The following NOL4L variants were observed in gnomAD, a reference collection of about 807,000 sequenced individuals.
The protein encoded by NOL4L is nucleolar protein 4-like.
Under a neutral mutation model 64.5 loss-of-function variants are expected in NOL4L, and 7 were observed. That is an observed-to-expected ratio of 0.11 (90% CI 0.06 to 0.20). The LOEUF (loss-of-function observed/expected upper bound fraction) is 0.20. Among genes scored for constraint, NOL4L ranks in the 10% least tolerant of loss-of-function variants. The pLI, the probability that NOL4L is intolerant of heterozygous loss-of-function variation, is 1.00. For synonymous variants in NOL4L, 413 were observed against 401.0 expected (o/e 1.03, Z -0.36); for missense variants, 680 against 967.1 (o/e 0.70, Z 3.94).
At chr20:32,452,801 G>GCTC in intron 9 of NOL4L, 83 bp downstream of exon 9, 1 of 1,573,788 alleles carries the variant, frequency 6.4e-7, no homozygotes, top group South Asian at 1.1e-5. Context: ...ACCCATCACA[G>GCTC]CTCCCTCAGT....
chr20:32,581,375 A>G (rs1399110304), intron 1 of NOL4L, among the ~76,000 whole-genome samples: 2 of 152,038 alleles, frequency 1.3e-5, no homozygotes, highest in Non-Finnish European at 2.9e-5. Context: ...TTTGTCACAC[A>G]CACCCAGAAA....
At chr20:32,555,352 C>T (rs1044654315) in intron 1 of NOL4L, among the ~76,000 whole-genome samples, 1 of 152,058 alleles carries the variant, frequency 6.6e-6, no homozygotes, top group African/African-American at 2.4e-5. Flanking sequence ...TGCTCTATTG[C>T]ACAGGCTGGA....
intron 4 of NOL4L, among the ~76,000 whole-genome samples, chr20:32,494,302 CACAA>C (rs774367011): frequency 2.9e-5 from 4 of 136,644 alleles, no homozygotes; most frequent in African/African-American, 8.5e-5. Context: ...CACACACACA[CACAA>C]ACAAATTACT....
chr20:32,501,963 GCACA>G (rs2016939376), intron 4 of NOL4L, among the ~76,000 whole-genome samples: 1 of 152,126 alleles, frequency 6.6e-6, no homozygotes, highest in South Asian at 2.1e-4. Flanking sequence ...TGAGTAATAT[GCACA>G]CAGTCATAAT....
intron 4 of NOL4L, among the ~76,000 whole-genome samples, chr20:32,501,709 TAAAAG>T (rs781327571): frequency 3.6e-4 from 55 of 151,966 alleles, no homozygotes; most frequent in South Asian, 2.1e-4. Context: ...ATAAAAATAC[TAAAAG>T]AAAACATGGG....
In NOL4L at chr20:32,456,329, C is replaced by T; in HGVS notation, c.908G>A (p.Ser303Asn). ...GGGGAAGGCAGGGTCGCCCTGCGTG[C>T]TGCTCGACGTGGATGGGTTCAGGGT... is the stretch of plus-strand genomic sequence containing the variant. ...SSTLNPSTSS[S>N]TQGDPAFPEM... Residue 303 changes from serine to asparagine, a missense_variant, in exon 6 of 11, where the codon AGC (serine) becomes AAC (asparagine). Ser to Asn is a conservative substitution (Grantham distance 46). Coordinates refer to ENST00000621426, the MANE Select transcript of NOL4L (RefSeq NM_001256798.2). The T allele has an allele frequency of 6.4e-7, 1 of 1,553,576 alleles. No individual in the cohort carries two copies.
intron 4 of NOL4L, among the ~76,000 whole-genome samples, chr20:32,487,361 G>T (rs1472878962): frequency 1.3e-5 from 2 of 151,790 alleles, no homozygotes; most frequent in Non-Finnish European, 2.9e-5. Flanking sequence ...GACAAGGGGT[G>T]GGGGAGAGGC....
At chr20:32,483,938 C>T (rs895601865) in intron 4 of NOL4L, among the ~76,000 whole-genome samples, 1 of 151,020 alleles carries the variant, frequency 6.6e-6, no homozygotes, top group African/African-American at 2.4e-5. Context: ...AAGGGGGAAG[C>T]GCTTCGAGGA....
chr20:32,555,466 A>AT (rs1030502509), intron 1 of NOL4L, among the ~76,000 whole-genome samples: 23 of 147,786 alleles, frequency 1.6e-4, no homozygotes, highest in East Asian at 1.0e-3. Context: ...TGCCTGGCTA[A>AT]TTTTTTTTTT....
Position 32,463,017 on chromosome 20 carries a change from C to T in NOL4L, c.842-6622G>A, listed in dbSNP as rs2014232627. Among the ~76,000 whole-genome samples the T allele has an allele frequency of 6.6e-6, 1 of 151,724 alleles. No individual in the cohort carries two copies. Among genetic ancestry groups the T allele is most frequent in the Admixed American group, 6.6e-5 (1 of 15,226 alleles). On this transcript the variant is annotated intron_variant, in intron 5 of 10. Transcript: ENST00000621426. The surrounding 1 kb of genome is among the most constrained non-coding windows in gnomAD (Gnocchi z 5.8). ...GGGATGGTGCTGGTGTAGGGTCCTG[C>T]AGTCTGGGCGACCTTGGGCACTGCC...
intron 3 of NOL4L, among the ~76,000 whole-genome samples, chr20:32,511,780 G>A (rs1284406742): frequency 6.6e-6 from 1 of 152,182 alleles, no homozygotes; most frequent in Non-Finnish European, 1.5e-5. Flanking sequence ...AGCCCCAGGA[G>A]GGGACACAGG....
chr20:32,532,528 C>G (rs1356602487), intron 1 of NOL4L: 2 of 212,616 alleles, frequency 9.4e-6, no homozygotes, highest in Non-Finnish European at 1.6e-5. Context: ...GCAGGGGAGG[C>G]AGGCCTTCCC....
chr20:32,562,442 C>T (rs958685136), intron 1 of NOL4L, among the ~76,000 whole-genome samples: 1 of 152,174 alleles, frequency 6.6e-6, no homozygotes, highest in African/African-American at 2.4e-5. Context: ...GCTATGGCTC[C>T]GCCCACCTCA....
Position 32,447,402 on chromosome 20 carries a change from C to CAAAA in NOL4L, c.*193_*194insTTTT, listed in dbSNP as rs1569355451. The CAAAA allele has an allele frequency of 2.8e-5, 6 of 211,866 alleles. No homozygotes were observed. Among genetic ancestry groups the CAAAA allele is most frequent in the South Asian group, 1.2e-4 (1 of 8,502 alleles). The allele number at this position is 211,866 out of a possible 1,614,324, so 13.1% of individuals were successfully genotyped here. ...GTCAGAGCACCCGTGTGGTGAGATT[C>CAAAA]CAAAAAAAAAAAAAAAAAAAAAAAA... On this transcript the variant is annotated 3_prime_UTR_variant, in exon 11 of 11. Coordinates refer to ENST00000621426, the MANE Select transcript of NOL4L (RefSeq NM_001256798.2).
At chr20:32,496,624 C>T (rs2016698129) in intron 4 of NOL4L, among the ~76,000 whole-genome samples, 2 of 151,886 alleles carry the variant, frequency 1.3e-5, no homozygotes, top group South Asian at 4.1e-4. Context: ...GATCTCAGCT[C>T]ACTGCAACCT....
chr20:32,515,583 G>T (rs945052389), intron 3 of NOL4L, among the ~76,000 whole-genome samples: 1 of 150,856 alleles, frequency 6.6e-6, no homozygotes, highest in East Asian at 1.9e-4. Context: ...AGTGGAAGCC[G>T]CAGAGTCAGA....
intron 1 of NOL4L, among the ~76,000 whole-genome samples, chr20:32,547,129 A>G (rs767604377): frequency 2.0e-5 from 3 of 152,166 alleles, no homozygotes; most frequent in Non-Finnish European, 2.9e-5. Context: ...AGTGCTTTAC[A>G]TATATCAACT....
At chr20:32,548,643 C>T (rs548410309) in intron 1 of NOL4L, 13 of 294,910 alleles carry the variant, frequency 4.4e-5, no homozygotes, top group Non-Finnish European at 8.8e-5. Context: ...ACATTATTGC[C>T]GGGAGTGAAA....
chr20:32,583,335 GA>G (rs1484358273), intron 1 of NOL4L, among the ~76,000 whole-genome samples: 1 of 150,188 alleles, frequency 6.7e-6, no homozygotes, highest in African/African-American at 2.4e-5. Context: ...CGCGGAGGGG[GA>G]GGGGGAGGGG....
Sources: gnomAD v4.1 joint callset for allele counts (sites outside exome capture counted in the v4.1 genomes callset) on GRCh38, gnomAD v4.1.1 for gene constraint, Gnocchi (gnomAD v3.1) non-coding constraint, MANE v1.5 for transcripts, NCBI Gene and HGNC (gene_info 2026-07-23, HGNC 2026-07-21) for gene names.